Variants in NRG3 observed in about 807,000 individuals in gnomAD.
The protein encoded by NRG3 is neuregulin 3.
In NRG3, 31 loss-of-function variants were observed where a neutral mutation model predicts 66.9. The ratio of observed to expected loss-of-function variants is 0.46; its 90% confidence interval spans 0.35 to 0.63. The LOEUF (loss-of-function observed/expected upper bound fraction) is 0.63, where lower values mean the gene tolerates loss of function less well. NRG3 is among the 20% of genes least tolerant of loss of function. The probability of loss-of-function intolerance (pLI) is 0.00; values close to 1 mark genes in which losing one functional copy is unlikely to be tolerated. For synonymous variants in NRG3, 393 were observed against 359.4 expected (o/e 1.09, Z -1.06); for missense variants, 910 against 878.9 (o/e 1.04, Z -0.45).
At chr10:82,181,159 T>G (rs1159089906) in intron 1 of NRG3, among the ~76,000 whole-genome samples, 2 of 151,780 alleles carry the variant, frequency 1.3e-5, no homozygotes. Context: ...TTTTCTTAGT[T>G]TAGATAAATG....
intron 2 of NRG3, among the ~76,000 whole-genome samples, chr10:82,608,663 C>G (rs906301068): frequency 1.3e-5 from 2 of 152,062 alleles, no homozygotes; most frequent in Non-Finnish European, 2.9e-5. Context: ...TGTTCTCAAC[C>G]CCTCTTCCCT....
chr10:82,979,262 A>G (rs78638961), intron 8 of NRG3, 142 bp downstream of exon 8: 174,244 of 847,532 alleles, frequency 0.21, 21,312 homozygotes, highest in Middle Eastern at 0.28. Flanking sequence ...TTTGTTCTAC[A>G]AAAGGTGAAC....
intron 1 of NRG3, among the ~76,000 whole-genome samples, chr10:82,084,116 T>C (rs1487115573): frequency 6.6e-6 from 1 of 151,922 alleles, no homozygotes; most frequent in African/African-American, 2.4e-5. Flanking sequence ...TAGTCCCAGC[T>C]ACTCAGGAGG....
At chr10:82,436,542 G>A (rs538696243) in intron 2 of NRG3, among the ~76,000 whole-genome samples, 1 of 152,218 alleles carries the variant, frequency 6.6e-6, no homozygotes, top group South Asian at 2.1e-4. Flanking sequence ...TATATTTAAG[G>A]TTAGTACTGT....
At chr10:82,535,342 G>A (rs1847710125) in intron 2 of NRG3, among the ~76,000 whole-genome samples, 1 of 151,872 alleles carries the variant, frequency 6.6e-6, no homozygotes, top group Non-Finnish European at 1.5e-5. Flanking sequence ...TATTACACAG[G>A]TAATAGAATT....
At chr10:82,160,392 C>T (rs1487740053) in intron 1 of NRG3, among the ~76,000 whole-genome samples, 1 of 151,894 alleles carries the variant, frequency 6.6e-6, no homozygotes, top group Admixed American at 6.6e-5. Flanking sequence ...TCTGAAGGTT[C>T]CTGGGAAAAG....
chr10:82,821,493 A>G (rs1463955747), intron 3 of NRG3, among the ~76,000 whole-genome samples: 6 of 138,368 alleles, frequency 4.3e-5, no homozygotes, highest in Non-Finnish European at 9.2e-5. Context: ...AGTTTTGCCC[A>G]CACTTAACTG....
intron 4 of NRG3, among the ~76,000 whole-genome samples, chr10:82,894,457 A>G (rs1351639412): frequency 1.3e-5 from 2 of 152,208 alleles, no homozygotes; most frequent in African/African-American, 2.4e-5. Context: ...CTACAAATCT[A>G]CATATAAACC....
At chr10:82,219,237 C>T (rs997359819) in intron 1 of NRG3, among the ~76,000 whole-genome samples, 2 of 145,960 alleles carry the variant, frequency 1.4e-5, no homozygotes, top group African/African-American at 5.1e-5. Context: ...GGGTGTGGGC[C>T]GCCCTGGCAT....
intron 2 of NRG3, among the ~76,000 whole-genome samples, chr10:82,418,511 A>T (rs923070468): frequency 1.3e-5 from 2 of 151,910 alleles, no homozygotes; most frequent in African/African-American, 4.9e-5. Flanking sequence ...TTCACTGGGA[A>T]CATTTGAACT....
At chr10:82,540,829 C>T (rs988468658) in intron 2 of NRG3, among the ~76,000 whole-genome samples, 10 of 152,126 alleles carry the variant, frequency 6.6e-5, no homozygotes, top group African/African-American at 2.4e-4. Context: ...CACAATTAAA[C>T]TGAAAGATAC....
chr10:82,473,858 G>C (rs573750507), intron 2 of NRG3, among the ~76,000 whole-genome samples: 5 of 152,288 alleles, frequency 3.3e-5, no homozygotes, highest in Middle Eastern at 3.4e-3. Context: ...CATGAAAACT[G>C]CAAGGAGCTA....
At chr10:82,264,424 C>G (rs540782404) in intron 1 of NRG3, among the ~76,000 whole-genome samples, 3 of 152,068 alleles carry the variant, frequency 2.0e-5, no homozygotes, top group Admixed American at 1.3e-4. Context: ...CCGCCCCGCC[C>G]GATTCAATTA....
intron 2 of NRG3, among the ~76,000 whole-genome samples, chr10:82,435,779 CTT>C (rs1158502018): frequency 3.4e-4 from 37 of 108,280 alleles, no homozygotes; most frequent in African/African-American, 1.0e-3. Flanking sequence ...CTTTTCTTTT[CTT>C]TTTTTTTTTT....
At chr10:82,729,969 G>A (rs370628356) in intron 2 of NRG3, among the ~76,000 whole-genome samples, 4 of 151,880 alleles carry the variant, frequency 2.6e-5, no homozygotes, top group African/African-American at 9.7e-5. Flanking sequence ...TTGGGCAAAT[G>A]ATTTTAAATT....
chr10:82,799,187 A>G (rs1184512611), intron 3 of NRG3, among the ~76,000 whole-genome samples: 2 of 152,146 alleles, frequency 1.3e-5, no homozygotes, highest in African/African-American at 4.8e-5. Context: ...GTGCGGCTGT[A>G]TATCTGGAGA....
chr10:82,060,276 C>A (rs1215981374), intron 1 of NRG3, among the ~76,000 whole-genome samples: 1 of 152,182 alleles, frequency 6.6e-6, no homozygotes, highest in Non-Finnish European at 1.5e-5. Context: ...TGTAGGTACA[C>A]AATATATGGC....
intron 1 of NRG3, among the ~76,000 whole-genome samples, chr10:82,263,719 C>A (rs1226576711): frequency 6.6e-6 from 1 of 152,114 alleles, no homozygotes; most frequent in Non-Finnish European, 1.5e-5. Context: ...TATAATTTAA[C>A]CTTCCCTTTC....
intron 5 of NRG3, among the ~76,000 whole-genome samples, chr10:82,954,033 C>T (rs938061652): frequency 2.0e-5 from 3 of 151,454 alleles, no homozygotes; most frequent in African/African-American, 7.3e-5. Flanking sequence ...CCAATGGAGG[C>T]TTGCTGTCGT....
Sources: gnomAD v4.1 joint callset for allele counts (sites outside exome capture counted in the v4.1 genomes callset) on GRCh38, gnomAD v4.1.1 for gene constraint, MANE v1.5 for transcripts, NCBI Gene and HGNC (gene_info 2026-07-23, HGNC 2026-07-21) for gene names.